The following NREP variants were observed in gnomAD, a reference collection of about 807,000 sequenced individuals.
NREP encodes the protein neuronal regeneration related protein, also known as neuronal regeneration-related protein.
NREP carries 5 observed loss-of-function variants against 8.6 expected under a neutral mutation model. The observed-to-expected ratio is 0.58, with a 90% CI of 0.30 to 1.22. NREP has a LOEUF of 1.22. NREP is among the 50% of genes most tolerant of loss of function. The pLI is 0.07. For missense variants in NREP, 86 were observed against 82.5 expected, an observed-to-expected ratio of 1.04 and a Z score of -0.17; for synonymous variants, 27 against 28.0, an observed-to-expected ratio of 0.96 and a Z score of 0.11.
intron 2 of NREP, among the ~76,000 whole-genome samples, chr5:111,737,795 C>T (rs1001256063): frequency 6.6e-6 from 1 of 151,062 alleles, no homozygotes; most frequent in Non-Finnish European, 1.5e-5. Context: ...GAATATCTGA[C>T]AGCAAAACAC....
At chr5:111,927,516 G>A (rs1028203980) in intron 2 of NREP, among the ~76,000 whole-genome samples, 2 of 152,100 alleles carry the variant, frequency 1.3e-5, no homozygotes, top group Non-Finnish European at 2.9e-5. Flanking sequence ...TATTCCTAAG[G>A]GAAAGTTAAG....
At chr5:111,745,170 C>T (rs1031789660) in intron 2 of NREP, among the ~76,000 whole-genome samples, 2 of 152,114 alleles carry the variant, frequency 1.3e-5, no homozygotes, top group Admixed American at 6.6e-5. Flanking sequence ...ATATATAAAG[C>T]GCTGGCAACA....
At chr5:111,783,600 C>T (rs1298199650) in intron 2 of NREP, among the ~76,000 whole-genome samples, 1 of 152,142 alleles carries the variant, frequency 6.6e-6, no homozygotes, top group Non-Finnish European at 1.5e-5. Flanking sequence ...TTATTGATGT[C>T]CCTTCTCCAT....
chr5:111,766,506 C>A (rs1751088191), intron 2 of NREP, among the ~76,000 whole-genome samples: 1 of 152,158 alleles, frequency 6.6e-6, no homozygotes, highest in African/African-American at 2.4e-5. Flanking sequence ...GTTAGAGAAC[C>A]AAGAACACAA....
chr5:111,873,228 G>C (rs1753828924), intron 2 of NREP, among the ~76,000 whole-genome samples: 1 of 152,168 alleles, frequency 6.6e-6, no homozygotes, highest in African/African-American at 2.4e-5. Context: ...ACTGAGGAGA[G>C]ATAAATGGGA....
At chr5:111,810,105 G>T (rs1040867120) in intron 2 of NREP, among the ~76,000 whole-genome samples, 1 of 152,036 alleles carries the variant, frequency 6.6e-6, no homozygotes, top group African/African-American at 2.4e-5. Context: ...TAGCTAGACC[G>T]AAAGAGGGGT....
At position 111,973,348 on chromosome 5, in the gene NREP, C is replaced by T. The variant is rs767471667; in HGVS notation, c.135+1926G>A. Among the ~76,000 whole-genome samples, 122 of 152,140 alleles carry T rather than the reference C, an allele frequency of 8.0e-4. 1 individual carries two copies. Among genetic ancestry groups the T allele is most frequent in the Non-Finnish European group, 2.9e-4 (20 of 68,030 alleles). On this transcript the variant is annotated intron_variant, in intron 2 of 3. Transcript: ENST00000395634. ...GATGCTGAGCTATCTCTTATCCACA[C>T]GCAACACTTGCAGGTATTAGCTTTT...
At chr5:111,964,227 T>A (rs1756563348) in intron 2 of NREP, among the ~76,000 whole-genome samples, 1 of 152,258 alleles carries the variant, frequency 6.6e-6, no homozygotes, top group African/African-American at 2.4e-5. Context: ...ACTTTTTATC[T>A]GACATCTTTC....
At chr5:111,890,508 C>T (rs187348173) in intron 2 of NREP, among the ~76,000 whole-genome samples, 1 of 152,340 alleles carries the variant, frequency 6.6e-6, no homozygotes, top group African/African-American at 2.4e-5. Flanking sequence ...CCCACATTTC[C>T]CCTATGCACT....
At chr5:111,737,442 T>C (rs1749228076) in intron 2 of NREP, among the ~76,000 whole-genome samples, 2 of 152,234 alleles carry the variant, frequency 1.3e-5, no homozygotes, top group South Asian at 4.1e-4. Flanking sequence ...AATTAAGTTC[T>C]GTTGGAAACC....
At chr5:111,913,725 G>C (rs1038868220) in intron 2 of NREP, among the ~76,000 whole-genome samples, 2 of 152,086 alleles carry the variant, frequency 1.3e-5, no homozygotes, top group Non-Finnish European at 2.9e-5. Flanking sequence ...GATTTGTAGG[G>C]AGAAAAATGA....
intron 2 of NREP, among the ~76,000 whole-genome samples, chr5:111,895,409 A>T (rs757920969): frequency 2.6e-5 from 4 of 152,206 alleles, no homozygotes; most frequent in Non-Finnish European, 4.4e-5. Context: ...GTGAAGAACC[A>T]GCAAATAAAA....
intron 2 of NREP, among the ~76,000 whole-genome samples, chr5:111,774,096 T>C (rs1751301318): frequency 6.6e-6 from 1 of 152,112 alleles, no homozygotes; most frequent in Non-Finnish European, 1.5e-5. Flanking sequence ...CAAAGAACTC[T>C]AGAAACATCA....
chr5:111,883,471 AC>A (rs1295422055), intron 2 of NREP, among the ~76,000 whole-genome samples: 1 of 152,194 alleles, frequency 6.6e-6, no homozygotes, highest in African/African-American at 2.4e-5. Flanking sequence ...CACCAAGCAG[AC>A]CTAATAGACA....
At chr5:111,820,476 A>C (rs769453264) in intron 2 of NREP, among the ~76,000 whole-genome samples, 1 of 152,202 alleles carries the variant, frequency 6.6e-6, no homozygotes, top group Non-Finnish European at 1.5e-5. Flanking sequence ...TATGATTACT[A>C]AACTATGTGT....
At chr5:111,902,866 A>T (rs1033786118) in intron 2 of NREP, among the ~76,000 whole-genome samples, 5 of 151,822 alleles carry the variant, frequency 3.3e-5, no homozygotes, top group Non-Finnish European at 1.5e-5. Flanking sequence ...TCCTAATCTT[A>T]AAAAAAATCT....
At chr5:111,954,136 A>G (rs996322119) in intron 2 of NREP, among the ~76,000 whole-genome samples, 1 of 152,138 alleles carries the variant, frequency 6.6e-6, no homozygotes, top group South Asian at 2.1e-4. Context: ...ACATCTATCT[A>G]TGGCCAAGAT....
chr5:111,826,459 G>C (rs1023181399), intron 2 of NREP, among the ~76,000 whole-genome samples: 12 of 152,190 alleles, frequency 7.9e-5, no homozygotes, highest in African/African-American at 2.9e-4. Context: ...CACTGACCAT[G>C]AAGGTCTGCG....
chr5:111,915,137 G>T (rs951445316), intron 2 of NREP, among the ~76,000 whole-genome samples: 2 of 151,990 alleles, frequency 1.3e-5, no homozygotes, highest in African/African-American at 4.8e-5. Flanking sequence ...CTTCCCTCAG[G>T]CTACTGAGCT....
Sources: gnomAD v4.1 joint callset for allele counts (sites outside exome capture counted in the v4.1 genomes callset) on GRCh38, gnomAD v4.1.1 for gene constraint, MANE v1.5 for transcripts, NCBI Gene and HGNC (gene_info 2026-07-23, HGNC 2026-07-21) for gene names.